The following FAR2 variants were observed in gnomAD, a reference collection of about 807,000 sequenced individuals.
The protein encoded by FAR2 is epididymis secretory protein Li 81.
In FAR2, 19 loss-of-function variants were observed where a neutral mutation model predicts 56.0. The ratio of observed to expected loss-of-function variants is 0.34; its 90% confidence interval spans 0.24 to 0.50. The LOEUF (loss-of-function observed/expected upper bound fraction) is 0.50, where lower values mean the gene tolerates loss of function less well. FAR2 is among the 20% of genes least tolerant of loss of function. The pLI, the probability that FAR2 is intolerant of heterozygous loss-of-function variation, is 0.98. For missense variants in FAR2, 508 were observed against 642.2 expected (o/e 0.79, Z 2.26); for synonymous variants, 219 against 218.8 (o/e 1.00, Z -0.01).
rs183916096 is a variant in FAR2 at position 29,291,373 on chromosome 12, G to C, written c.190-1927G>C. On this transcript the variant is annotated intron_variant, in intron 2 of 11. Transcript: ENST00000536681. ...CCAGGGTCTCTGAGGGTGGAATAAA[G>C]AAATAATTTTTAACCAGGTTCTTTG... The C allele has an allele frequency of 6.6e-6, 3 of 455,986 alleles. No individual in the cohort carries two copies. The East Asian group carries it at 2.1e-4, about 32-fold the overall frequency. The allele number at this position is 455,986 out of a possible 1,614,324, so 28.2% of individuals were successfully genotyped here.
chr12:29,297,064 C>T lies in FAR2; in HGVS notation c.409C>T (p.Leu137Phe). The change falls in exon 4 of 12, where the codon CTT (leucine) becomes TTT (phenylalanine). Residue 137 changes from leucine (L) to phenylalanine (F), a missense_variant. Transcript: ENST00000536681. The stretch of plus-strand genomic sequence containing the variant: ...CGTCACTGCCACCCGGCAGCTCTTG[C>T]TTATGGCTAGTCAGATGCCAAAGCT... Reference protein sequence around the residue: ...LNVTATRQLLLMASQMPKLEA... With the variant: ...LNVTATRQLLFMASQMPKLEA... The T allele has an allele frequency of 6.2e-7, 1 of 1,612,220 alleles. No homozygotes were observed. Among genetic ancestry groups the T allele is most frequent in the Non-Finnish European group, 8.5e-7 (1 of 1,179,246 alleles).
At chr12:29,164,316 G>T (rs762776147) in intron 1 of FAR2, among the ~76,000 whole-genome samples, 2 of 152,138 alleles carry the variant, frequency 1.3e-5, no homozygotes, top group Non-Finnish European at 2.9e-5. Flanking sequence ...TACTTTTGCC[G>T]ACGCGGCTGC....
chr12:29,311,181 T>C, intron 7 of FAR2, 35 bp downstream of exon 7: 1 of 1,432,564 alleles, frequency 7.0e-7, no homozygotes, highest in Non-Finnish European at 9.9e-7. Flanking sequence ...AAAGACTTCA[T>C]GAGGGGCAGA....
intron 1 of FAR2, among the ~76,000 whole-genome samples, chr12:29,257,215 C>T (rs1948333664): frequency 6.6e-6 from 1 of 152,098 alleles, no homozygotes; most frequent in Admixed American, 6.5e-5. Flanking sequence ...AATCAGCACC[C>T]TGTGTCTAGC....
At chr12:29,227,322 A>G (rs969362108) in intron 1 of FAR2, among the ~76,000 whole-genome samples, 1 of 152,220 alleles carries the variant, frequency 6.6e-6, no homozygotes, top group African/African-American at 2.4e-5. Flanking sequence ...GAAACATTAC[A>G]ATCAACATAT....
chr12:29,268,104 G>A (rs1172254463), intron 1 of FAR2, among the ~76,000 whole-genome samples: 13 of 152,178 alleles, frequency 8.5e-5, no homozygotes, highest in African/African-American at 1.4e-4. Flanking sequence ...TTATGACTAC[G>A]AAGAGTCATT....
At chr12:29,256,567 C>T (rs560626521) in intron 1 of FAR2, among the ~76,000 whole-genome samples, 27 of 152,344 alleles carry the variant, frequency 1.8e-4, no homozygotes, top group South Asian at 1.4e-3. Flanking sequence ...TTCAGCCCAC[C>T]GCTGCACTGT....
intron 1 of FAR2, among the ~76,000 whole-genome samples, chr12:29,202,827 A>G (rs1338241669): frequency 1.3e-5 from 2 of 152,124 alleles, no homozygotes; most frequent in East Asian, 3.9e-4. Flanking sequence ...TGCTGGCACT[A>G]TGCTTCCTGT....
intron 1 of FAR2, among the ~76,000 whole-genome samples, chr12:29,190,988 C>T (rs1950098574): frequency 1.3e-5 from 2 of 152,166 alleles, no homozygotes; most frequent in South Asian, 4.1e-4. Context: ...TTTCATGAGG[C>T]TCCAATTGAA....
chr12:29,252,566 C>T (rs1051211921), intron 1 of FAR2, among the ~76,000 whole-genome samples: 4 of 152,060 alleles, frequency 2.6e-5, no homozygotes, highest in South Asian at 2.1e-4. Flanking sequence ...CAACATGTGT[C>T]GACTTTTTAT....
intron 1 of FAR2, among the ~76,000 whole-genome samples, chr12:29,257,899 G>A (rs1248796509): frequency 1.3e-5 from 2 of 152,202 alleles, no homozygotes; most frequent in Non-Finnish European, 2.9e-5. Flanking sequence ...CAGGATTACA[G>A]ACGTGAGACA....
chr12:29,261,404 GAAAA>G (rs1948415810), intron 1 of FAR2, among the ~76,000 whole-genome samples: 1 of 151,866 alleles, frequency 6.6e-6, no homozygotes, highest in Non-Finnish European at 1.5e-5. Context: ...GATAAAAGAA[GAAAA>G]AAAGAATGAA....
intron 1 of FAR2, among the ~76,000 whole-genome samples, chr12:29,255,774 A>G (rs1715210298): frequency 6.6e-6 from 1 of 152,108 alleles, no homozygotes; most frequent in Admixed American, 6.5e-5. Context: ...ACAGGCATGC[A>G]CCACCATGTC....
intron 1 of FAR2, among the ~76,000 whole-genome samples, chr12:29,157,142 A>ATATATATATATATG (rs1289279461): frequency 2.3e-4 from 32 of 137,768 alleles, no homozygotes; most frequent in African/African-American, 8.4e-4. Context: ...ATATATATAT[A>ATATATATATATATG]TATGTATCAA....
chr12:29,171,892 T>G (rs1949890369), intron 1 of FAR2: 1 of 135,626 alleles, frequency 7.4e-6, no homozygotes, highest in Admixed American at 7.3e-5. Flanking sequence ...GCCGCCCAAC[T>G]GACTGGTAAG....
chr12:29,173,216 G>A (rs761171808), intron 1 of FAR2, among the ~76,000 whole-genome samples: 21 of 152,270 alleles, frequency 1.4e-4, no homozygotes, highest in Non-Finnish European at 2.9e-4. Context: ...CGTGTACCCG[G>A]GTTGGGCCAA....
chr12:29,155,834 G>A (rs146511712), intron 1 of FAR2, among the ~76,000 whole-genome samples: 1 of 152,018 alleles, frequency 6.6e-6, no homozygotes, highest in Non-Finnish European at 1.5e-5. Flanking sequence ...GTTGACCCCT[G>A]CTCTAAGGCT....
chr12:29,246,458 C>T (rs997440361), intron 1 of FAR2, among the ~76,000 whole-genome samples: 2 of 152,144 alleles, frequency 1.3e-5, no homozygotes, highest in Non-Finnish European at 2.9e-5. Flanking sequence ...TTTCCCTTAG[C>T]TCCACACCTT....
chr12:29,279,928 AT>A lies in FAR2; in HGVS notation c.189+9304del, dbSNP rs4033039. On this transcript the variant is annotated intron_variant, in intron 2 of 11. Coordinates refer to ENST00000536681, the MANE Select transcript of FAR2 (RefSeq NM_001271783.2). Reference sequence around the variant, plus strand: ...ATAATGTTTTATATTGTGCAATATAATTTTTTTTTTTTTTGAGATGAAGTCT... The same window carrying A: ...ATAATGTTTTATATTGTGCAATATAATTTTTTTTTTTTTGAGATGAAGTCT... Among the ~76,000 whole-genome samples the A allele has an allele frequency of 6.1e-4, 90 of 146,386 alleles. 1 individual carries two copies. The highest frequency in any genetic ancestry group is 1.5e-3 in the South Asian group (7 of 4,646).
Sources: gnomAD v4.1 joint callset for allele counts (sites outside exome capture counted in the v4.1 genomes callset) on GRCh38, gnomAD v4.1.1 for gene constraint, MANE v1.5 for transcripts, NCBI Gene and HGNC (gene_info 2026-07-23, HGNC 2026-07-21) for gene names.